The following GDPD5 variants were observed in gnomAD, a reference collection of about 807,000 sequenced individuals.
GDPD5 encodes the protein glycerophosphodiester phosphodiesterase domain containing 5, also known as glycerophosphodiester phosphodiesterase 2.
In GDPD5, 48 loss-of-function variants were observed where a neutral mutation model predicts 75.1. The observed-to-expected ratio is 0.64, with a 90% confidence interval of 0.51 to 0.81. The LOEUF (loss-of-function observed/expected upper bound fraction) is 0.81. GDPD5 is among the 40% of genes least tolerant of loss of function. GDPD5 has a pLI of 0.00. For missense variants in GDPD5, 706 were observed against 822.6 expected (o/e 0.86, Z 1.73); for synonymous variants, 336 against 339.0 (o/e 0.99, Z 0.10).
intron 7 of GDPD5, 39 bp downstream of exon 7, chr11:75,449,846 C>G: frequency 2.5e-6 from 4 of 1,584,850 alleles, no homozygotes; most frequent in Non-Finnish European, 3.5e-6. Flanking sequence ...GACAGAAAGG[C>G]TCTTGTTGTG....
At chr11:75,512,855 C>A (rs12362890) in intron 1 of GDPD5, among the ~76,000 whole-genome samples, 20,392 of 152,164 alleles carry the variant, frequency 0.13, 1,483 homozygotes, top group South Asian at 0.22. Flanking sequence ...GCAGAGGTTG[C>A]AGCCTGGGCA....
At chr11:75,481,050 C>T (rs949229010) in intron 2 of GDPD5, among the ~76,000 whole-genome samples, 3 of 152,100 alleles carry the variant, frequency 2.0e-5, no homozygotes, top group African/African-American at 7.2e-5. Context: ...AGTGACTGGG[C>T]TCTAATGGCC....
chr11:75,506,296 G>T (rs1423471575), intron 1 of GDPD5, among the ~76,000 whole-genome samples: 3 of 152,160 alleles, frequency 2.0e-5, no homozygotes, highest in Admixed American at 6.5e-5. Flanking sequence ...ATGCTCCCCA[G>T]CCAGCCCCAG....
chr11:75,487,744 G>A (rs1051889939), intron 2 of GDPD5, among the ~76,000 whole-genome samples: 2 of 152,168 alleles, frequency 1.3e-5, no homozygotes, highest in Non-Finnish European at 2.9e-5. Context: ...GGTTCTCTTG[G>A]TACAGAAAGG....
intron 4 of GDPD5, among the ~76,000 whole-genome samples, chr11:75,458,533 G>A (rs1428626836): frequency 1.3e-5 from 2 of 151,984 alleles, no homozygotes; most frequent in East Asian, 1.9e-4. Flanking sequence ...TTAGCCGGGC[G>A]TTGTGGCAGG....
intron 1 of GDPD5, among the ~76,000 whole-genome samples, chr11:75,501,511 G>A (rs899686334): frequency 2.6e-5 from 4 of 152,242 alleles, no homozygotes; most frequent in Non-Finnish European, 5.9e-5. Context: ...ACAGGGACTC[G>A]GGCCATGGCC....
At chr11:75,448,428 G>T in intron 9 of GDPD5, 1 of 961,190 alleles carries the variant, frequency 1.0e-6, no homozygotes, top group Non-Finnish European at 1.2e-6. Context: ...GCCTCCCACA[G>T]CTGGTGAGGA....
At chr11:75,470,106 C>T (rs1376170707) in intron 3 of GDPD5, among the ~76,000 whole-genome samples, 1 of 152,034 alleles carries the variant, frequency 6.6e-6, no homozygotes, top group East Asian at 1.9e-4. Flanking sequence ...TAGAAGCCTT[C>T]CTGGAGGAGA....
At chr11:75,436,118 G>A (rs933117367) in intron 16 of GDPD5, among the ~76,000 whole-genome samples, 4 of 152,170 alleles carry the variant, frequency 2.6e-5, no homozygotes, top group African/African-American at 9.7e-5. Flanking sequence ...GCCATATTCT[G>A]TATGGTTGCT....
intron 3 of GDPD5, 52 bp from the exon 4 acceptor site, chr11:75,462,941 G>T: frequency 6.9e-7 from 1 of 1,443,456 alleles, no homozygotes; most frequent in East Asian, 2.4e-5. Context: ...CAGCCCCTTA[G>T]GCTGCCTCCC....
intron 16 of GDPD5, 40 bp from the exon 17 acceptor site, chr11:75,435,695 AGGCAGTC>A: frequency 1.9e-6 from 3 of 1,560,342 alleles, no homozygotes; most frequent in Non-Finnish European, 2.6e-6. Context: ...GTCGGGGAGG[AGGCAGTC>A]GTGAGGATGG....
intron 9 of GDPD5, chr11:75,448,647 T>A (rs1339994173): frequency 4.7e-6 from 5 of 1,070,928 alleles, no homozygotes; most frequent in Non-Finnish European, 5.6e-6. Flanking sequence ...GTTCTCCTGA[T>A]GCCTGGTGGC....
chr11:75,437,136 G>A (rs902923607), intron 15 of GDPD5, 88 bp from the exon 16 acceptor site: 1 of 952,026 alleles, frequency 1.1e-6, no homozygotes, highest in Admixed American at 2.0e-5. Context: ...CTCTCTGGAT[G>A]TGGCCCAAGA....
At chr11:75,496,779 C>CTTTCTTTTTTTTTTTTTTTTTTTTTTTT (rs58663409) in intron 1 of GDPD5, among the ~76,000 whole-genome samples, 2 of 103,112 alleles carry the variant, frequency 1.9e-5, no homozygotes, top group Non-Finnish European at 3.7e-5. Context: ...TTCTTTCTTT[C>CTTTCTTTTTTTTTTTTTTTTTTTTTTTT]TTTTTTTTTT....
At chr11:75,457,662 G>T in intron 5 of GDPD5, 31 bp downstream of exon 5, 2 of 1,600,710 alleles carry the variant, frequency 1.2e-6, no homozygotes. Flanking sequence ...TGGGAGCAGG[G>T]CCACCTGCCC....
intron 6 of GDPD5, among the ~76,000 whole-genome samples, chr11:75,456,137 G>A (rs560558672): frequency 2.6e-5 from 4 of 152,318 alleles, no homozygotes; most frequent in African/African-American, 7.2e-5. Flanking sequence ...AGTGCTAAAC[G>A]GGGGAAGGAG....
At chr11:75,520,008 T>G (rs567805132) in intron 1 of GDPD5, among the ~76,000 whole-genome samples, 1 of 152,198 alleles carries the variant, frequency 6.6e-6, no homozygotes, top group South Asian at 2.1e-4. Context: ...AAAACCCAAG[T>G]CCCCAGATAT....
Position 75,488,795 on chromosome 11 carries a change from G to A in GDPD5, c.-61+1442C>T, listed in dbSNP as rs183132921. 3.3e-4 allele frequency among the ~76,000 whole-genome samples: 51 copies of A among 152,320 alleles called. No homozygotes were observed. The East Asian group carries it at 7.7e-3, about 23-fold the overall frequency. ...TGAGAATGATCACAGGCCTCAGTGC[G>A]CTGTAATTATCTGCTTCCGTGGCTG... On this transcript the variant is annotated intron_variant, in intron 2 of 16. Transcript: ENST00000336898.
intron 2 of GDPD5, among the ~76,000 whole-genome samples, chr11:75,482,785 C>T (rs559273132): frequency 1.1e-3 from 169 of 152,316 alleles, no homozygotes; most frequent in African/African-American, 3.8e-3. Flanking sequence ...TAGAGGTCTC[C>T]CCAGCCTCCC....
Sources: allele counts gnomAD v4.1 joint callset (sites outside exome capture counted in the v4.1 genomes callset), GRCh38; gene constraint gnomAD v4.1.1; transcripts MANE v1.5; gene names NCBI Gene and HGNC (gene_info 2026-07-23, HGNC 2026-07-21).